The following ASTN1 variants were observed in gnomAD, a reference collection of about 807,000 sequenced individuals.
The protein encoded by ASTN1 is astrotactin-1.
A neutral mutation model predicts 140.7 loss-of-function variants in ASTN1; 41 were observed. The observed-to-expected ratio is 0.29, with a 90% CI of 0.23 to 0.38. The LOEUF (loss-of-function observed/expected upper bound fraction) is 0.38, where lower values mean the gene tolerates loss of function less well. Ranked by LOEUF, ASTN1 falls within the 10% of genes least tolerant of loss-of-function variation. ASTN1 has a pLI of 1.00. For synonymous variants in ASTN1, 640 were observed against 652.2 expected (o/e 0.98, Z 0.29); for missense variants, 1,479 against 1,678.8 (o/e 0.88, Z 2.08).
At chr1:176,926,683 T>C (rs1473693054) in intron 16 of ASTN1, among the ~76,000 whole-genome samples, 2 of 152,282 alleles carry the variant, frequency 1.3e-5, no homozygotes, top group Non-Finnish European at 2.9e-5. Flanking sequence ...ACTTGAGTGC[T>C]AACTTTGTTG....
chr1:177,046,694 G>C (rs1366122390), intron 2 of ASTN1, among the ~76,000 whole-genome samples: 2 of 152,208 alleles, frequency 1.3e-5, no homozygotes, highest in Non-Finnish European at 2.9e-5. Flanking sequence ...CAGAGGGAGA[G>C]TGAGATGGCC....
At chr1:177,148,125 C>T (rs1397691530) in intron 1 of ASTN1, among the ~76,000 whole-genome samples, 3 of 152,028 alleles carry the variant, frequency 2.0e-5, no homozygotes, top group South Asian at 2.1e-4. Context: ...GTCTTACAAT[C>T]GAAAATTTTC....
At chr1:176,865,781 A>T (rs935348023) in intron 22 of ASTN1, among the ~76,000 whole-genome samples, 1 of 152,252 alleles carries the variant, frequency 6.6e-6, no homozygotes, top group African/African-American at 2.4e-5. Flanking sequence ...GAAAGGTTTA[A>T]TTGGACTTAC....
intron 2 of ASTN1, among the ~76,000 whole-genome samples, chr1:177,035,987 G>A (rs1173323105): frequency 6.7e-6 from 1 of 149,800 alleles, no homozygotes; most frequent in Non-Finnish European, 1.5e-5. Flanking sequence ...AGTAAAAAAC[G>A]CTTCCTCTGC....
At chr1:176,939,805 AGAAG>A (rs33944361) in intron 14 of ASTN1, among the ~76,000 whole-genome samples, 6,903 of 143,476 alleles carry the variant, frequency 0.048, 200 homozygotes, top group African/African-American at 0.073. Flanking sequence ...AGAATGAGGA[AGAAG>A]GAAGGAAGGA....
chr1:176,935,393 T>C (rs1671399169), intron 15 of ASTN1, among the ~76,000 whole-genome samples: 1 of 152,214 alleles, frequency 6.6e-6, no homozygotes, highest in Non-Finnish European at 1.5e-5. Flanking sequence ...GAATGAAAAG[T>C]AGCTTAGTTC....
chr1:177,156,465 T>C (rs1031045010), intron 1 of ASTN1, among the ~76,000 whole-genome samples: 1 of 151,984 alleles, frequency 6.6e-6, no homozygotes, highest in African/African-American at 2.4e-5. Context: ...CTGAAAGAGC[T>C]CCCATTAGCC....
chr1:177,113,835 G>A (rs1402506302), intron 1 of ASTN1, among the ~76,000 whole-genome samples: 2 of 152,206 alleles, frequency 1.3e-5, no homozygotes, highest in African/African-American at 4.8e-5. Flanking sequence ...TGGAGAGAGT[G>A]AGGAGTCTCC....
At chr1:176,892,233 T>G (rs755438233) in intron 17 of ASTN1, among the ~76,000 whole-genome samples, 1 of 152,188 alleles carries the variant, frequency 6.6e-6, no homozygotes, top group Non-Finnish European at 1.5e-5. Context: ...TTAAATTACT[T>G]TGATGCCAAA....
At chr1:177,147,398 T>C (rs1458530445) in intron 1 of ASTN1, among the ~76,000 whole-genome samples, 1 of 152,112 alleles carries the variant, frequency 6.6e-6, no homozygotes, top group Non-Finnish European at 1.5e-5. Flanking sequence ...CACAGATAAC[T>C]AAGAAACTGT....
At chr1:177,036,442 A>G (rs1037773843) in intron 2 of ASTN1, among the ~76,000 whole-genome samples, 2 of 152,160 alleles carry the variant, frequency 1.3e-5, no homozygotes, top group Admixed American at 6.5e-5. Flanking sequence ...CAGGTACTCA[A>G]GTTGTGGTAT....
intron 21 of ASTN1, among the ~76,000 whole-genome samples, chr1:176,870,693 C>T (rs1250887846): frequency 6.6e-6 from 1 of 152,212 alleles, no homozygotes; most frequent in East Asian, 1.9e-4. Flanking sequence ...TTGCAGCCAG[C>T]ATATTTAGCT....
At chr1:176,884,621 T>C in intron 18 of ASTN1, 131 bp from the exon 19 acceptor site, 7 of 980,978 alleles carry the variant, frequency 7.1e-6, no homozygotes, top group South Asian at 2.1e-5. Context: ...TTTGAGGGCC[T>C]GTCTCTTTCA....
At chr1:176,861,016 G>A (rs1667942858), downstream of ASTN1, 2 of 892,350 alleles carry the variant, frequency 2.2e-6, no homozygotes, top group African/African-American at 3.6e-5. Flanking sequence ...TCCCTGATGA[G>A]TCTAACCAGT....
chr1:177,106,700 T>C (rs1156641793), intron 1 of ASTN1, among the ~76,000 whole-genome samples: 2 of 152,222 alleles, frequency 1.3e-5, no homozygotes, highest in Non-Finnish European at 2.9e-5. Context: ...TCTCATTTCC[T>C]GCAATTCACA....
chr1:177,161,313 T>C (rs150412386), intron 1 of ASTN1, among the ~76,000 whole-genome samples: 1 of 152,244 alleles, frequency 6.6e-6, no homozygotes, highest in Non-Finnish European at 1.5e-5. Flanking sequence ...CTATGCCATA[T>C]GCATGCCATT....
rs763368936 is a variant in ASTN1, at chr1:176,884,504, G to A, written c.3075-14C>T. 20 of 1,593,294 alleles carry A rather than the reference G, an allele frequency of 1.3e-5. No individual in the cohort carries two copies. In the South Asian group the frequency reaches 2.2e-4, roughly 18 times the overall value. On this transcript the variant is annotated splice_polypyrimidine_tract_variant and intron_variant, in intron 18 of 22. Coordinates refer to ENST00000361833, the MANE Select transcript of ASTN1 (RefSeq NM_004319.3). Reference sequence around the variant, plus strand: ...GAGAGTCTCAGCCTGTGTGCAGACAGGAAGGAACATGAAACAGGGACACAA... The same window carrying A: ...GAGAGTCTCAGCCTGTGTGCAGACAAGAAGGAACATGAAACAGGGACACAA...
chr1:176,965,125 G>A, intron 9 of ASTN1, 38 bp downstream of exon 9: 1 of 1,582,764 alleles, frequency 6.3e-7, no homozygotes, highest in Non-Finnish European at 8.7e-7. Flanking sequence ...CACAGGGTTT[G>A]CAGACGTACA....
At chr1:177,016,371 T>C (rs1227303919) in intron 7 of ASTN1, among the ~76,000 whole-genome samples, 1 of 150,818 alleles carries the variant, frequency 6.6e-6, no homozygotes, top group African/African-American at 2.4e-5. Flanking sequence ...GTCTCCTGCA[T>C]GGTGAATTCT....
Sources: gnomAD v4.1 joint callset for allele counts (sites outside exome capture counted in the v4.1 genomes callset) on GRCh38, gnomAD v4.1.1 for gene constraint, MANE v1.5 for transcripts, NCBI Gene and HGNC (gene_info 2026-07-23, HGNC 2026-07-21) for gene names.